The following GRXCR1 variants were observed in gnomAD, a reference collection of about 807,000 sequenced individuals.
GRXCR1 encodes the protein glutaredoxin and cysteine rich domain containing 1.
Under a neutral mutation model 27.3 loss-of-function variants are expected in GRXCR1, and 27 were observed. The observed-to-expected ratio is 0.99, with a 90% CI of 0.73 to 1.37. The LOEUF (loss-of-function observed/expected upper bound fraction) is 1.37, where lower values mean the gene tolerates loss of function less well. Ranked by LOEUF, GRXCR1 falls within the 40% of genes most tolerant of loss-of-function variation. GRXCR1 has a pLI of 0.00. For missense variants in GRXCR1, 379 were observed against 354.4 expected (o/e 1.07, Z -0.56); for synonymous variants, 122 against 131.1 (o/e 0.93, Z 0.47).
intron 1 of GRXCR1, among the ~76,000 whole-genome samples, chr4:42,897,886 C>T (rs1034452776): frequency 6.6e-6 from 1 of 150,834 alleles, no homozygotes; most frequent in African/African-American, 2.4e-5. Context: ...ATTAATTGTG[C>T]CCAAAAGTTT....
chr4:42,937,418 A>C (rs969831140), intron 1 of GRXCR1, among the ~76,000 whole-genome samples: 5 of 151,838 alleles, frequency 3.3e-5, no homozygotes, highest in Admixed American at 2.6e-4. Flanking sequence ...AAATGGTATT[A>C]GCAATATCTG....
rs139655666 is a variant in GRXCR1 at position 42,971,353 on chromosome 4, A to T, written c.627+8219A>T. On this transcript the variant is annotated intron_variant, in intron 2 of 3. Coordinates refer to ENST00000399770, the MANE Select transcript of GRXCR1 (RefSeq NM_001080476.3). ...ATGTTTATAGCAATGCTCCACTACC[A>T]GTACCAATTTCCTGTATTAGTTCAT... is the stretch of plus-strand genomic sequence containing the variant. Among the ~76,000 whole-genome samples, 1,179 of 152,266 alleles carry T rather than the reference A, an allele frequency of 7.7e-3. 53 individuals carry two copies. The highest frequency in any genetic ancestry group is 0.068 in the Admixed American group (1,042 of 15,274).
chr4:42,973,836 GATGAA>G (rs1157271871), intron 2 of GRXCR1, among the ~76,000 whole-genome samples: 3 of 152,090 alleles, frequency 2.0e-5, no homozygotes, highest in Non-Finnish European at 2.9e-5. Flanking sequence ...ATATTGTGAA[GATGAA>G]ATGAGATGAA....
At chr4:42,989,151 C>T (rs181308120) in intron 2 of GRXCR1, among the ~76,000 whole-genome samples, 31 of 152,224 alleles carry the variant, frequency 2.0e-4, no homozygotes, top group African/African-American at 5.5e-4. Flanking sequence ...TCAACTAGGA[C>T]GGGTATAACA....
intron 1 of GRXCR1, among the ~76,000 whole-genome samples, chr4:42,922,407 G>T (rs1747035503): frequency 1.3e-5 from 2 of 152,210 alleles, no homozygotes; most frequent in Admixed American, 1.3e-4. Context: ...GCTGCAAATT[G>T]CCACCCCTTG....
At chr4:43,016,322 T>A (rs1392253185) in intron 2 of GRXCR1, among the ~76,000 whole-genome samples, 1 of 152,240 alleles carries the variant, frequency 6.6e-6, no homozygotes, top group East Asian at 1.9e-4. Flanking sequence ...TAATAATATT[T>A]GGTAGCATTA....
intron 1 of GRXCR1, among the ~76,000 whole-genome samples, chr4:42,949,987 G>A (rs879897518): frequency 1.3e-5 from 2 of 152,300 alleles, no homozygotes; most frequent in African/African-American, 4.8e-5. Flanking sequence ...ATTTCAACCC[G>A]TAAAGTAGAT....
chr4:43,010,597 G>A (rs192817469), intron 2 of GRXCR1, among the ~76,000 whole-genome samples: 203 of 152,132 alleles, frequency 1.3e-3, no homozygotes, highest in Non-Finnish European at 2.0e-3. Flanking sequence ...AATGGATGGG[G>A]GTGGGGTGGG....
Position 43,004,904 on chromosome 4 carries a change from G to A in GRXCR1, c.628-15450G>A, listed in dbSNP as rs185925350. 3.0e-4 allele frequency among the ~76,000 whole-genome samples: 46 copies of A among 152,290 alleles called. 1 individual carries two copies. Among genetic ancestry groups the A allele is most frequent in the African/African-American group, 1.1e-3 (45 of 41,558 alleles). ...GAGTTAAGACTTTGAGGGACTGTTGGCATGATTGATTTTGAAATGTGAGAA... is the reference window on the plus strand; with the variant it reads ...GAGTTAAGACTTTGAGGGACTGTTGACATGATTGATTTTGAAATGTGAGAA... On this transcript the variant is annotated intron_variant, in intron 2 of 3. Coordinates refer to ENST00000399770, the MANE Select transcript of GRXCR1 (RefSeq NM_001080476.3).
intron 2 of GRXCR1, among the ~76,000 whole-genome samples, chr4:42,980,027 A>G (rs189185725): frequency 6.6e-6 from 1 of 151,418 alleles, no homozygotes; most frequent in African/African-American, 2.4e-5. Context: ...TTTCATACCT[A>G]ATTTTATTTT....
intron 2 of GRXCR1, among the ~76,000 whole-genome samples, chr4:43,005,947 G>C (rs1712543420): frequency 6.6e-6 from 1 of 152,206 alleles, no homozygotes; most frequent in South Asian, 2.1e-4. Flanking sequence ...GACCCCAAAT[G>C]GAGGGACCGG....
At chr4:43,012,506 A>G (rs1264033725) in intron 2 of GRXCR1, among the ~76,000 whole-genome samples, 3 of 152,174 alleles carry the variant, frequency 2.0e-5, no homozygotes, top group Admixed American at 2.0e-4. Context: ...TCTGGACAGG[A>G]AATGTTTGTG....
At chr4:42,944,560 A>G (rs1007340210) in intron 1 of GRXCR1, among the ~76,000 whole-genome samples, 1 of 152,060 alleles carries the variant, frequency 6.6e-6, no homozygotes, top group African/African-American at 2.4e-5. Context: ...GGTGGCATGG[A>G]TATGTAGGTA....
At chr4:42,932,005 A>T (rs994243791) in intron 1 of GRXCR1, among the ~76,000 whole-genome samples, 1 of 151,860 alleles carries the variant, frequency 6.6e-6, no homozygotes, top group African/African-American at 2.4e-5. Flanking sequence ...ATCTCGTGAG[A>T]CTTATTCACT....
intron 2 of GRXCR1, among the ~76,000 whole-genome samples, chr4:42,991,167 T>C (rs1288592504): frequency 6.6e-6 from 1 of 152,144 alleles, no homozygotes; most frequent in Non-Finnish European, 1.5e-5. Context: ...TTATGCATTT[T>C]GTTTTATTTT....
intron 2 of GRXCR1, among the ~76,000 whole-genome samples, chr4:42,975,167 G>A (rs1748484334): frequency 6.6e-6 from 1 of 152,102 alleles, no homozygotes. Flanking sequence ...AAAACCTTTT[G>A]AGCATTGTAG....
chr4:43,020,854 C>T (rs1283715605), intron 3 of GRXCR1, among the ~76,000 whole-genome samples: 1 of 152,096 alleles, frequency 6.6e-6, no homozygotes, highest in African/African-American at 2.4e-5. Context: ...ATTTGTATTC[C>T]TGTGCTTATA....
intron 1 of GRXCR1, among the ~76,000 whole-genome samples, chr4:42,900,995 C>T (rs1746448059): frequency 2.0e-5 from 3 of 152,172 alleles, no homozygotes; most frequent in Admixed American, 2.0e-4. Flanking sequence ...ATGCACAATG[C>T]TTGTGGCGCA....
intron 3 of GRXCR1, among the ~76,000 whole-genome samples, chr4:43,028,972 C>T (rs1007598520): frequency 1.4e-4 from 21 of 152,150 alleles, no homozygotes; most frequent in Admixed American, 3.9e-4. Context: ...GTTTAGCCAT[C>T]TTGATATAAT....
Sources: gnomAD v4.1 joint callset for allele counts (sites outside exome capture counted in the v4.1 genomes callset) on GRCh38, gnomAD v4.1.1 for gene constraint, MANE v1.5 for transcripts, NCBI Gene and HGNC (gene_info 2026-07-23, HGNC 2026-07-21) for gene names.